Variants in DUS4L observed in about 807,000 individuals in gnomAD.
DUS4L encodes dihydrouridine synthase 4 like.
DUS4L carries 31 observed loss-of-function variants against 33.8 expected under a neutral mutation model. The ratio of observed to expected loss-of-function variants is 0.92; its 90% CI spans 0.69 to 1.24. The LOEUF is 1.24. Among genes scored for constraint, DUS4L ranks in the 50% most tolerant of loss-of-function variants. DUS4L has a pLI of 0.00. For missense variants in DUS4L, 368 were observed against 388.6 expected, an observed-to-expected ratio of 0.95 and a Z score of 0.45; for synonymous variants, 103 against 120.3, an observed-to-expected ratio of 0.86 and a Z score of 0.94.
Position 107,571,278 on chromosome 7 carries a change from C to T in DUS4L, c.238+12C>T, listed in dbSNP as rs766130720. On this transcript the variant is annotated intron_variant, in intron 4 of 7. Transcript: ENST00000265720. ...TACCACAAATCAAGGTATGTGAAAC[C>T]GAGTGTACTGACTTTGTAAAACTTT... is the stretch of plus-strand genomic sequence containing the variant. 33 of 1,602,270 alleles carry T rather than the reference C, an allele frequency of 2.1e-5. No individual in the cohort carries two copies. The highest frequency in any genetic ancestry group is 2.7e-5 in the Non-Finnish European group (32 of 1,176,970).
At chr7:107,573,880 C>A in intron 5 of DUS4L, 59 bp downstream of exon 5, 1 of 1,416,526 alleles carries the variant, frequency 7.1e-7, no homozygotes, top group Non-Finnish European at 9.3e-7. Context: ...ACTGTGTGAA[C>A]ATGGTAAAAT....
intron 5 of DUS4L, 149 bp downstream of exon 5, chr7:107,573,970 G>A: frequency 9.0e-7 from 1 of 1,111,340 alleles, no homozygotes; most frequent in South Asian, 3.1e-5. Flanking sequence ...GAAAATATAG[G>A]GAAATGTAAT....
At chr7:107,573,573 A>G in intron 4 of DUS4L, 131 bp from the exon 5 acceptor site, 1 of 792,294 alleles carries the variant, frequency 1.3e-6, no homozygotes, top group Non-Finnish European at 1.9e-6. Flanking sequence ...ATGTTATATT[A>G]TTTGGACAGA....
intron 3 of DUS4L, chr7:107,567,798 CTGTTCCT>C (rs2129189231): frequency 4.4e-6 from 2 of 451,628 alleles, no homozygotes; most frequent in South Asian, 3.2e-5. Context: ...CCCCATTCCA[CTGTTCCT>C]CACAGCAGCC....
At chr7:107,574,350 T>C (rs1384390201) in intron 5 of DUS4L, among the ~76,000 whole-genome samples, 1 of 149,806 alleles carries the variant, frequency 6.7e-6, no homozygotes, top group South Asian at 2.1e-4. Context: ...ATATTTCTTT[T>C]TTTTTTTTTT....
rs754630439 is a variant in DUS4L at position 107,573,733 on chromosome 7, G to A, written c.268G>A (p.Ala90Thr). Residue 90 changes from alanine (A) to threonine (T), a missense_variant, in exon 5 of 8, where the codon GCT (alanine) becomes ACT (threonine). By Grantham distance (58) the Ala-to-Thr change is moderately conservative. Coordinates refer to ENST00000265720, the MANE Select transcript of DUS4L (RefSeq NM_181581.3). Reference sequence around the variant, plus strand: ...TTGCCCATTGATTGTTCAGTTTGCTGCTAACGATGCAAGACTTTTATCTGA... The same window carrying A: ...TTGCCCATTGATTGTTCAGTTTGCTACTAACGATGCAAGACTTTTATCTGA... ...GDCPLIVQFA[A>T]NDARLLSDAA... 3.1e-6 allele frequency: 5 copies of A among 1,609,878 alleles called. No individual in the cohort carries two copies. Among genetic ancestry groups the A allele is most frequent in the Non-Finnish European group, 4.2e-6 (5 of 1,178,370 alleles).
intron 6 of DUS4L, chr7:107,575,695 CATATTTCTTTTTTTG>C (rs1414542611): frequency 5.9e-6 from 1 of 169,240 alleles, no homozygotes; most frequent in African/African-American, 2.4e-5. Flanking sequence ...AGGTTGAAAA[CATATTTCTTTTTTTG>C]AGACAGAGTC....
Position 107,577,491 on chromosome 7 carries a change from AAG to A in DUS4L, c.886_887del (p.Arg296GlyfsTer3), listed in dbSNP as rs1422015168. On this transcript the variant is annotated frameshift_variant, in exon 8 of 8. Transcript: ENST00000265720. LOFTEE classifies it high-confidence loss of function. ...AAAAGATAACTTCAAGGCAGGAAAA[AAG>A]GGTATTTAATGCTCTGTCAAGCACA... ...MEKITSRQEK[R>X]VFNALSSTSA... is the part of the protein sequence containing the mutation. 6 of 1,614,150 alleles carry A rather than the reference AAG, an allele frequency of 3.7e-6. No individual in the cohort carries two copies. The highest frequency in any genetic ancestry group is 5.1e-6 in the Non-Finnish European group (6 of 1,180,022).
At chr7:107,572,967 A>G (rs1219781430) in intron 4 of DUS4L, among the ~76,000 whole-genome samples, 1 of 152,224 alleles carries the variant, frequency 6.6e-6, no homozygotes, top group Non-Finnish European at 1.5e-5. Flanking sequence ...TATTAAAAAA[A>G]TTACAAATAA....
At position 107,577,515 on chromosome 7, in the gene DUS4L, C is replaced by G; in HGVS notation, c.909C>G (p.Ser303Arg). The G allele has an allele frequency of 2.5e-6, 4 of 1,614,054 alleles. No homozygotes were observed. Among genetic ancestry groups the G allele is most frequent in the Non-Finnish European group, 3.4e-6 (4 of 1,179,998 alleles). The change falls in exon 8 of 8, where the codon AGC becomes AGG. Residue 303 changes from serine (S) to arginine (R), a missense_variant. Transcript: ENST00000265720. ...QEKRVFNALS[S>R]TSAIIDYLTD... is the part of the protein sequence containing the mutation. ...AAAGGGTATTTAATGCTCTGTCAAG[C>G]ACATCAGCAATCATAGATTACCTTA...
chr7:107,576,712 T>G, intron 7 of DUS4L, 120 bp downstream of exon 7: 1 of 939,364 alleles, frequency 1.1e-6, no homozygotes, highest in Middle Eastern at 2.2e-4. Flanking sequence ...CCCATTGTAC[T>G]GTTTTAAGCT....
chr7:107,572,776 G>A (rs547586306), intron 4 of DUS4L, among the ~76,000 whole-genome samples: 1 of 151,708 alleles, frequency 6.6e-6, no homozygotes, highest in South Asian at 2.1e-4. Flanking sequence ...TTGAACCTGG[G>A]ACGCAGAGGT....
Position 107,577,411 on chromosome 7 carries a change from C to G in DUS4L, c.805C>G (p.Leu269Val). Residue 269 changes from leucine (L) to valine (V), a missense_variant, in exon 8 of 8, where the codon CTT becomes GTT. Coordinates refer to ENST00000265720, the MANE Select transcript of DUS4L (RefSeq NM_181581.3). The part of the protein sequence containing the change: ...KCIWDWVDIA[L>V]ELGTPYMCFH... ...CATCTGGGACTGGGTTGACATTGCT[C>G]TTGAACTCGGGACTCCTTACATGTG... is the stretch of plus-strand genomic sequence containing the variant. The G allele has an allele frequency of 6.2e-7, 1 of 1,614,094 alleles. No homozygotes were observed. Among genetic ancestry groups the G allele is most frequent in the African/African-American group, 1.3e-5 (1 of 75,022 alleles).
intron 4 of DUS4L, among the ~76,000 whole-genome samples, chr7:107,572,689 A>G (rs1194890688): frequency 1.3e-5 from 2 of 152,044 alleles, no homozygotes; most frequent in Non-Finnish European, 2.9e-5. Flanking sequence ...ATCTCTACTA[A>G]AAATGCAAAA....
Position 107,576,432 on chromosome 7 carries a change from G to T in DUS4L, c.546G>T (p.Trp182Cys), listed in dbSNP as rs764505668. ...AGGCTGAAGCAACAGGAGTTTCATGGATTACAGTCCATGGAAGAACTGCTG... is the reference window on the plus strand; with the variant it reads ...AGGCTGAAGCAACAGGAGTTTCATGTATTACAGTCCATGGAAGAACTGCTG... ...CQKAEATGVS[W>C]ITVHGRTAEE... Residue 182 changes from tryptophan to cysteine, a missense_variant, in exon 7 of 8, where the codon TGG becomes TGT. Coordinates refer to ENST00000265720, the MANE Select transcript of DUS4L (RefSeq NM_181581.3). The T allele has an allele frequency of 1.2e-6, 2 of 1,612,744 alleles. No individual in the cohort carries two copies. The highest frequency in any genetic ancestry group is 1.7e-6 in the Non-Finnish European group (2 of 1,179,740).
intron 3 of DUS4L, among the ~76,000 whole-genome samples, chr7:107,569,709 T>A (rs189369092): frequency 6.6e-6 from 1 of 152,238 alleles, no homozygotes; most frequent in Non-Finnish European, 1.5e-5. Flanking sequence ...TAATTTTTGG[T>A]GTTCACATGT....
chr7:107,565,755 C>T (rs568739042), intron 2 of DUS4L, among the ~76,000 whole-genome samples: 34 of 152,224 alleles, frequency 2.2e-4, no homozygotes, highest in African/African-American at 8.2e-4. Context: ...AAACTCCTGG[C>T]CTTAAGCAAG....
intron 3 of DUS4L, chr7:107,567,814 C>A (rs750150021): frequency 3.8e-5 from 17 of 443,566 alleles, no homozygotes; most frequent in Non-Finnish European, 7.2e-5. Context: ...CTCACAGCAG[C>A]CCCTGGCAAC....
intron 6 of DUS4L, 160 bp downstream of exon 6, chr7:107,575,470 C>A (rs1296777825): frequency 4.2e-6 from 3 of 714,316 alleles, no homozygotes; most frequent in Non-Finnish European, 6.2e-6. Context: ...AGAATATATA[C>A]CATAATTTTC....
Sources: allele counts gnomAD v4.1 joint callset (sites outside exome capture counted in the v4.1 genomes callset), GRCh38; gene constraint gnomAD v4.1.1; transcripts MANE v1.5; gene names NCBI Gene and HGNC (gene_info 2026-07-23, HGNC 2026-07-21).